Variants in TMEM222 observed in about 807,000 individuals in gnomAD.
TMEM222 encodes the protein chromosome 1 open reading frame 160.
Under a neutral mutation model 25.1 loss-of-function variants are expected in TMEM222, and 18 were observed. The observed-to-expected ratio is 0.72, with a 90% CI of 0.50 to 1.06. TMEM222 has a LOEUF of 1.06. TMEM222 is among the 50% of genes least tolerant of loss of function. TMEM222 has a pLI of 0.00. For missense variants in TMEM222, 296 were observed against 293.7 expected, an observed-to-expected ratio of 1.01 and a Z score of -0.06; for synonymous variants, 131 against 117.9, an observed-to-expected ratio of 1.11 and a Z score of -0.72.
intron 1 of TMEM222, among the ~76,000 whole-genome samples, chr1:27,327,727 G>A (rs1161064190): frequency 6.6e-6 from 1 of 151,816 alleles, no homozygotes; most frequent in African/African-American, 2.4e-5. Context: ...GCCCAGCCTT[G>A]GCTCACTACA....
Position 27,334,251 on chromosome 1 carries a change from T to G in TMEM222, c.509T>G (p.Phe170Cys), listed in dbSNP as rs150291870. The change falls in exon 5 of 6, where the codon TTC becomes TGC. Residue 170 changes from phenylalanine (F) to cysteine (C), a missense_variant. By Grantham distance (205) the Phe-to-Cys change is radical. Coordinates refer to ENST00000374076, the MANE Select transcript of TMEM222 (RefSeq NM_032125.3). ...STNWNMVTLC[F>C]FCLLYGKYVS... ...AACTGGAATATGGTGACGCTCTGCT[T>G]CTTCTGCCTGCTCTACGGGAAGTAC... is the stretch of plus-strand genomic sequence containing the variant. The G allele has an allele frequency of 6.2e-4, 1,004 of 1,614,228 alleles. 6 individuals are homozygous for G. The highest frequency in any genetic ancestry group is 2.5e-3 in the Admixed American group (150 of 60,032).
intron 3 of TMEM222, chr1:27,333,332 C>T (rs1451683757): frequency 4.2e-6 from 2 of 471,180 alleles, no homozygotes; most frequent in South Asian, 3.1e-5. Context: ...CTATGCCTGC[C>T]TAACCCTCTT....
At chr1:27,324,335 A>G (rs1571004224) in intron 1 of TMEM222, among the ~76,000 whole-genome samples, 1 of 152,242 alleles carries the variant, frequency 6.6e-6, no homozygotes, top group East Asian at 1.9e-4. Flanking sequence ...AAAAAAAAAG[A>G]AAATAACTGG....
chr1:27,331,973 C>A (rs2014489700), intron 2 of TMEM222, 97 bp from the exon 3 acceptor site: 5 of 1,209,824 alleles, frequency 4.1e-6, no homozygotes, highest in Non-Finnish European at 4.9e-6. Flanking sequence ...CCCTGACATA[C>A]CCTCTTCTAA....
At chr1:27,332,320 C>G in intron 3 of TMEM222, 1 of 705,918 alleles carries the variant, frequency 1.4e-6, no homozygotes, top group South Asian at 1.5e-5. Flanking sequence ...CCATCTGGGC[C>G]TTGCCACAGC....
At chr1:27,322,435 G>A in intron 1 of TMEM222, 44 bp downstream of exon 1, 1 of 1,330,416 alleles carries the variant, frequency 7.5e-7, no homozygotes. Flanking sequence ...GAGGGCCCAG[G>A]GAGAGCCGGA....
chr1:27,332,496 G>C (rs1204222452), intron 3 of TMEM222: 1 of 718,190 alleles, frequency 1.4e-6, no homozygotes, highest in East Asian at 2.7e-5. Flanking sequence ...AGGTAGAAGA[G>C]AGGCATTGTT....
chr1:27,322,717 C>A (rs557627853), intron 1 of TMEM222, among the ~76,000 whole-genome samples: 55 of 152,176 alleles, frequency 3.6e-4, no homozygotes, highest in African/African-American at 1.3e-3. Flanking sequence ...TTTATTAATT[C>A]ACTGGTTTAT....
At position 27,326,359 on chromosome 1, in the gene TMEM222, C is replaced by T. The variant is rs112713184; in HGVS notation, c.194+3968C>T. ...GAGTTGGAAGCAGTTTGCATTTACA[C>T]CTGTAAATGTATTCATCCTTTTAAT... On this transcript the variant is annotated intron_variant, in intron 1 of 5. Coordinates refer to ENST00000374076, the MANE Select transcript of TMEM222 (RefSeq NM_032125.3). Among the ~76,000 whole-genome samples, 953 of 152,210 alleles carry T rather than the reference C, an allele frequency of 6.3e-3. 8 individuals carry two copies. Among genetic ancestry groups the T allele is most frequent in the Admixed American group, 0.02 (309 of 15,298 alleles).
intron 1 of TMEM222, chr1:27,325,856 G>A (rs938420432): frequency 2.6e-6 from 2 of 780,024 alleles, no homozygotes. Context: ...GTATAAATTG[G>A]CCCTGGCAAA....
intron 2 of TMEM222, 102 bp from the exon 3 acceptor site, chr1:27,331,968 A>G: frequency 2.6e-6 from 2 of 773,942 alleles, no homozygotes; most frequent in Non-Finnish European, 4.5e-6. Context: ...CCCACCCCTG[A>G]CATACCCTCT....
chr1:27,323,839 CAT>C (rs1193796590), intron 1 of TMEM222, among the ~76,000 whole-genome samples: 2 of 152,206 alleles, frequency 1.3e-5, no homozygotes, highest in Admixed American at 6.5e-5. Context: ...TCTTCTAACA[CAT>C]GTGCTAAGTG....
chr1:27,334,070 C>T lies in TMEM222; in HGVS notation c.408+16C>T, dbSNP rs1185450862. 1.9e-5 allele frequency: 30 copies of T among 1,614,022 alleles called. No homozygotes were observed. Among genetic ancestry groups the T allele is most frequent in the Middle Eastern group, 3.3e-4 (2 of 6,062 alleles). ...GCACCGCATGGTAGGTGGGCCAGGG[C>T]GGCACCGGCACTCCCCAGGTGGGGA... On this transcript the variant is annotated intron_variant, in intron 4 of 5. Coordinates refer to ENST00000374076, the MANE Select transcript of TMEM222 (RefSeq NM_032125.3).
chr1:27,327,105 T>G (rs1202721565), intron 1 of TMEM222, among the ~76,000 whole-genome samples: 4 of 152,154 alleles, frequency 2.6e-5, no homozygotes, highest in African/African-American at 7.2e-5. Flanking sequence ...GTGGATCTTC[T>G]GCAACTTATT....
At chr1:27,327,583 T>A (rs530431915) in intron 1 of TMEM222, among the ~76,000 whole-genome samples, 158 of 152,296 alleles carry the variant, frequency 1.0e-3, no homozygotes, top group Admixed American at 2.0e-3. Flanking sequence ...TAGACAGGGT[T>A]TCGCCATGTT....
At chr1:27,330,235 A>G (rs547132171) in intron 1 of TMEM222, among the ~76,000 whole-genome samples, 1 of 150,524 alleles carries the variant, frequency 6.6e-6, no homozygotes, top group East Asian at 2.0e-4. Flanking sequence ...CATCTCTACT[A>G]AAAATACAAA....
intron 3 of TMEM222, chr1:27,333,511 G>A: frequency 2.2e-6 from 1 of 457,878 alleles, no homozygotes; most frequent in Non-Finnish European, 4.4e-6. Context: ...TGCTGGTAGA[G>A]TCAGTGTCTG....
At chr1:27,326,843 G>A (rs1439257818) in intron 1 of TMEM222, among the ~76,000 whole-genome samples, 3 of 152,064 alleles carry the variant, frequency 2.0e-5, no homozygotes, top group African/African-American at 4.8e-5. Context: ...TCCACAAAGC[G>A]GCTCTGGAGC....
intron 1 of TMEM222, among the ~76,000 whole-genome samples, chr1:27,328,579 T>A (rs2014406979): frequency 6.6e-6 from 1 of 152,160 alleles, no homozygotes; most frequent in Non-Finnish European, 1.5e-5. Flanking sequence ...AATCCATGTG[T>A]TTCTCACCAC....
Sources: gnomAD v4.1 joint callset for allele counts (sites outside exome capture counted in the v4.1 genomes callset) on GRCh38, gnomAD v4.1.1 for gene constraint, MANE v1.5 for transcripts, NCBI Gene and HGNC (gene_info 2026-07-23, HGNC 2026-07-21) for gene names.